The following MECOM variants were observed in gnomAD, a reference collection of about 807,000 sequenced individuals.
The protein encoded by MECOM is MDS1 and EVI1 complex locus.
Under a neutral mutation model 116.3 loss-of-function variants are expected in MECOM, and 13 were observed. The observed-to-expected ratio is 0.11, with a 90% CI of 0.07 to 0.18. The LOEUF (loss-of-function observed/expected upper bound fraction) is 0.18, where lower values mean the gene tolerates loss of function less well. Ranked by LOEUF, MECOM falls within the 10% of genes least tolerant of loss-of-function variation. The pLI, the probability that MECOM is intolerant of heterozygous loss-of-function variation, is 1.00. For missense variants in MECOM, 1,299 were observed against 1,509.0 expected (o/e 0.86, Z 2.31); for synonymous variants, 528 against 535.2 (o/e 0.99, Z 0.19).
chr3:169,270,401 A>ATC lies in MECOM; in HGVS notation c.375+110785_375+110786insGA, dbSNP rs1242778906. ...TATATCTGTATCTATCTATCTATCT[A>ATC]TATATACTTATATGCAATTTATAAT... On this transcript the variant is annotated intron_variant, in intron 2 of 16. Transcript: ENST00000651503. Among the ~76,000 whole-genome samples, 7 of 152,156 alleles carry ATC rather than the reference A, an allele frequency of 4.6e-5. No individual in the cohort carries two copies. The East Asian group carries it at 5.8e-4, about 13-fold the overall frequency.
At chr3:169,357,807 G>A (rs577167643) in intron 2 of MECOM, among the ~76,000 whole-genome samples, 1 of 151,662 alleles carries the variant, frequency 6.6e-6, no homozygotes, top group Admixed American at 6.6e-5. Flanking sequence ...GAAAACTAGA[G>A]AAAATAAAGA....
rs773873557 is a variant in MECOM at position 169,381,314 on chromosome 3, C to T, written c.248G>A (p.Arg83Gln). Residue 83 changes from arginine (R) to glutamine (Q), a missense_variant, in exon 2 of 17, where the codon CGA becomes CAA. Arg to Gln is a conservative substitution (Grantham distance 43, BLOSUM62 1). Coordinates refer to ENST00000651503, the MANE Select transcript of MECOM (RefSeq NM_004991.4). Reference sequence around the variant, plus strand: ...TCCTGCCCCAGGCATATTTGACTCTCGAAGTTCAAACTCAGCAGGAATGGG... The same window carrying T: ...TCCTGCCCCAGGCATATTTGACTCTTGAAGTTCAAACTCAGCAGGAATGGG... The part of the protein sequence containing the change: ...DIPIPAEFEL[R>Q]ESNMPGAGLG... 11 of 1,613,688 alleles carry T rather than the reference C, an allele frequency of 6.8e-6. No homozygotes were observed. Among genetic ancestry groups the T allele is most frequent in the Admixed American group, 3.3e-5 (2 of 59,982 alleles).
intron 2 of MECOM, among the ~76,000 whole-genome samples, chr3:169,185,454 CT>C (rs1746585479): frequency 6.6e-6 from 1 of 152,034 alleles, no homozygotes; most frequent in African/African-American, 2.4e-5. Context: ...TGTTACATAC[CT>C]TTTCAGGTGT....
intron 1 of MECOM, among the ~76,000 whole-genome samples, chr3:169,595,578 T>C (rs996800295): frequency 2.0e-5 from 3 of 152,186 alleles, no homozygotes; most frequent in Non-Finnish European, 4.4e-5. Flanking sequence ...ATACTCAGTG[T>C]TGGCTTCTTA....
chr3:169,370,350 C>T (rs909974044), intron 2 of MECOM, among the ~76,000 whole-genome samples: 5 of 151,854 alleles, frequency 3.3e-5, no homozygotes, highest in Admixed American at 1.3e-4. Context: ...CCTTACTTAT[C>T]GCACACCATA....
At chr3:169,574,759 G>C (rs1396571002) in intron 1 of MECOM, among the ~76,000 whole-genome samples, 1 of 151,794 alleles carries the variant, frequency 6.6e-6, no homozygotes, top group Admixed American at 6.6e-5. Flanking sequence ...CGGAGGTTAA[G>C]TCCTAACCTT....
chr3:169,439,128 T>G (rs1017319089), intron 1 of MECOM, among the ~76,000 whole-genome samples: 70 of 147,550 alleles, frequency 4.7e-4, no homozygotes, highest in African/African-American at 1.4e-3. Context: ...TAATATTATT[T>G]AATATTAATA....
Position 169,381,179 on chromosome 3 carries a change from A to C in MECOM, c.375+8T>G. ...ATATAAATGTGTTAACTCAAAATAC[A>C]TTCTTACCTCCCATCCATAACTGGG... On this transcript the variant is annotated splice_region_variant and intron_variant, in intron 2 of 16. Transcript: ENST00000651503. 6.3e-7 allele frequency: 1 copy of C among 1,591,656 alleles called. No homozygotes were observed. Among genetic ancestry groups the C allele is most frequent in the Non-Finnish European group, 8.6e-7 (1 of 1,164,808 alleles).
intron 1 of MECOM, among the ~76,000 whole-genome samples, chr3:169,474,112 G>A (rs1298744458): frequency 1.3e-5 from 2 of 152,162 alleles, no homozygotes; most frequent in Non-Finnish European, 1.5e-5. Context: ...TTCACAAGAT[G>A]AATTTCTTTT....
rs1013300927 is a variant in MECOM at position 169,146,305 on chromosome 3, G to A, written c.376-2473C>T. 61 of 1,269,134 alleles carry A rather than the reference G, an allele frequency of 4.8e-5. No individual in the cohort carries two copies. The African/African-American group carries it at 8.5e-4, about 18-fold the overall frequency. The allele number at this position is 1,269,134 out of a possible 1,614,324, so 78.6% of individuals were successfully genotyped here. A position where few individuals can be genotyped will look rare whatever the true frequency, so the allele number is the denominator to read the frequency against. On this transcript the variant is annotated intron_variant, in intron 2 of 16. Coordinates refer to ENST00000651503, the MANE Select transcript of MECOM (RefSeq NM_004991.4). ...GACAGCAAAGCTGTTACTTGGCAAG[G>A]TGGAACTCGGCCGAGAGCGGCTCCA...
intron 1 of MECOM, among the ~76,000 whole-genome samples, chr3:169,627,879 A>G (rs6803126): frequency 0.68 from 102,772 of 152,122 alleles, 34,926 homozygotes; most frequent in African/African-American, 0.73. Flanking sequence ...TTCTGTGAGC[A>G]AGTGGATAAA....
chr3:169,404,443 C>T (rs1031544466), intron 1 of MECOM, among the ~76,000 whole-genome samples: 2 of 152,128 alleles, frequency 1.3e-5, no homozygotes, highest in African/African-American at 4.8e-5. Context: ...AAACAAAAAA[C>T]AAGCTCAAAA....
intron 1 of MECOM, among the ~76,000 whole-genome samples, chr3:169,422,922 C>A (rs948125988): frequency 7.2e-5 from 11 of 151,956 alleles, no homozygotes; most frequent in African/African-American, 2.7e-4. Flanking sequence ...TGGTACAGCA[C>A]AAAGAAGGTA....
chr3:169,173,431 C>T lies in MECOM; in HGVS notation c.376-29599G>A, dbSNP rs13073742. ...GGTAATTCCCTGACAATACTTCTAACCACAAGCTCACCTCTGAACTCCAAA... is the reference window on the plus strand; with the variant it reads ...GGTAATTCCCTGACAATACTTCTAATCACAAGCTCACCTCTGAACTCCAAA... On this transcript the variant is annotated intron_variant, in intron 2 of 16. Transcript: ENST00000651503. Among the ~76,000 whole-genome samples, 202 of 152,218 alleles carry T rather than the reference C, an allele frequency of 1.3e-3. 1 individual carries two copies. Among genetic ancestry groups the T allele is most frequent in the Admixed American group, 3.5e-3 (53 of 15,280 alleles).
intron 2 of MECOM, among the ~76,000 whole-genome samples, chr3:169,220,994 A>G (rs1053046345): frequency 6.6e-5 from 10 of 152,238 alleles, no homozygotes; most frequent in African/African-American, 1.9e-4. Context: ...GATTAGGGAA[A>G]GGCACTCTAT....
chr3:169,627,557 G>A (rs1456507429), intron 1 of MECOM, among the ~76,000 whole-genome samples: 2 of 152,122 alleles, frequency 1.3e-5, no homozygotes, highest in African/African-American at 4.8e-5. Flanking sequence ...ATCTGAAATT[G>A]TTATTCCTTA....
chr3:169,657,659 G>A (rs544945469), intron 1 of MECOM, among the ~76,000 whole-genome samples: 1 of 152,316 alleles, frequency 6.6e-6, no homozygotes, highest in East Asian at 1.9e-4. Flanking sequence ...GAAGCCATTA[G>A]TTATACCCAC....
intron 1 of MECOM, among the ~76,000 whole-genome samples, chr3:169,425,086 T>C (rs1289683866): frequency 7.5e-6 from 1 of 132,988 alleles, no homozygotes; most frequent in Admixed American, 8.5e-5. Context: ...AAATTTAGTG[T>C]TCATTTGCAG....
intron 2 of MECOM, among the ~76,000 whole-genome samples, chr3:169,295,646 A>G (rs1260154434): frequency 1.3e-5 from 2 of 152,218 alleles, no homozygotes; most frequent in African/African-American, 2.4e-5. Flanking sequence ...ATGTTTGAAC[A>G]TCAATGTTAC....
Sources: gnomAD v4.1 joint callset for allele counts (sites outside exome capture counted in the v4.1 genomes callset) on GRCh38, gnomAD v4.1.1 for gene constraint, MANE v1.5 for transcripts, NCBI Gene and HGNC (gene_info 2026-07-23, HGNC 2026-07-21) for gene names.